Variants in LRP2 observed in about 807,000 individuals in gnomAD.
LRP2 encodes low-density lipoprotein receptor-related protein 2.
LRP2 carries 172 observed loss-of-function variants against 531.0 expected under a neutral mutation model. That is an observed-to-expected ratio of 0.32 (90% CI 0.29 to 0.37). The LOEUF is 0.37. Ranked by LOEUF, LRP2 falls within the 10% of genes least tolerant of loss-of-function variation. LRP2 has a pLI of 1.00. For synonymous variants in LRP2, 1,992 were observed against 2,027.6 expected (o/e 0.98, Z 0.47); for missense variants, 5,167 against 5,868.3 (o/e 0.88, Z 3.90).
At position 169,282,961 on chromosome 2, in the gene LRP2, C is replaced by A; in HGVS notation, c.1083G>T (p.Lys361Asn). ...GGTGACGGCCAGGTCGGCTTTCACA[C>A]TTCTGGTCACAAATTCCCCATATCT... ...DCQIWGICDQKCESRPGRHLC... is the reference protein window; with the variant it reads ...DCQIWGICDQNCESRPGRHLC... The change falls in exon 10 of 79, where the codon AAG becomes AAT. Residue 361 changes from lysine to asparagine, a missense_variant. By Grantham distance (94) the Lys-to-Asn change is moderately conservative (BLOSUM62 0). Around this residue, in one of 6 missense-constraint regions of LRP2, gnomAD observed 2,811 missense variants for 3,058.0 expected, o/e 0.92. Coordinates refer to ENST00000649046, the MANE Select transcript of LRP2 (RefSeq NM_004525.3). 1 of 1,614,150 alleles carries A rather than the reference C, an allele frequency of 6.2e-7. No individual in the cohort carries two copies. Among genetic ancestry groups the A allele is most frequent in the African/African-American group, 1.3e-5 (1 of 75,042 alleles).
chr2:169,239,780 A>G lies in LRP2; in HGVS notation c.4046-5T>C. 1 of 1,612,770 alleles carries G rather than the reference A, an allele frequency of 6.2e-7. No homozygotes were observed. Among genetic ancestry groups the G allele is most frequent in the Non-Finnish European group, 8.5e-7 (1 of 1,178,788 alleles). On this transcript the variant is annotated splice_region_variant and splice_polypyrimidine_tract_variant and intron_variant, in intron 25 of 78. Coordinates refer to ENST00000649046, the MANE Select transcript of LRP2 (RefSeq NM_004525.3). Reference sequence around the variant, plus strand: ...AATCTGAGCAGCTGTTCCCATCTAGAAAAAAGAAAGAGAATAATGAAAAAA... The same window carrying G: ...AATCTGAGCAGCTGTTCCCATCTAGGAAAAAGAAAGAGAATAATGAAAAAA...
At chr2:169,213,987 C>A in intron 35 of LRP2, 117 bp from the exon 36 acceptor site, 1 of 741,980 alleles carries the variant, frequency 1.3e-6, no homozygotes, top group South Asian at 1.6e-5. Context: ...CTATCCCTTA[C>A]AGAGATTTTT....
intron 9 of LRP2, among the ~76,000 whole-genome samples, chr2:169,284,681 C>T (rs777415720): frequency 9.9e-5 from 15 of 152,230 alleles, no homozygotes; most frequent in Admixed American, 2.6e-4. Flanking sequence ...AAACCCAATC[C>T]GATCTGGACA....
rs573966330 is a variant in LRP2, at chr2:169,161,738, T to C, written c.11887+734A>G. The stretch of plus-strand genomic sequence containing the variant: ...ATTTGTCTGCCTCGGCCTCCCAAAG[T>C]GTTGGGATTACAGGCATGAGCCACT... On this transcript the variant is annotated intron_variant, in intron 63 of 78. Transcript: ENST00000649046. Among the ~76,000 whole-genome samples the C allele has an allele frequency of 1.8e-3, 279 of 152,274 alleles. 1 individual carries two copies. The highest frequency in any genetic ancestry group is 6.3e-3 in the African/African-American group (263 of 41,560).
intron 52 of LRP2, among the ~76,000 whole-genome samples, chr2:169,181,165 A>T (rs1687415747): frequency 6.6e-6 from 1 of 152,212 alleles, no homozygotes; most frequent in Admixed American, 6.5e-5. Flanking sequence ...TGAGCTGACT[A>T]CCATGGGGAG....
chr2:169,205,636 AC>A lies in LRP2; in HGVS notation c.7557del (p.Tyr2520ThrfsTer27). 6.2e-7 allele frequency: 1 copy of A among 1,613,810 alleles called. No individual in the cohort carries two copies. The highest frequency in any genetic ancestry group is 8.5e-7 in the Non-Finnish European group (1 of 1,179,888). ...GTATCCCAGTCAGCCCAGTACAGGT[AC>A]CTAGTCATACAAAAGGAGTCAATAA... ...PRAIVLDPCQ[G>X]YLYWADWDTH... On this transcript the variant is annotated frameshift_variant and splice_region_variant, in exon 41 of 79. Transcript: ENST00000649046. LOFTEE classifies it high-confidence loss of function.
At position 169,173,200 on chromosome 2, in the gene LRP2, T is replaced by C; in HGVS notation, c.11039A>G (p.Asn3680Ser). The C allele has an allele frequency of 2.5e-6, 4 of 1,614,096 alleles. No individual in the cohort carries two copies. Among genetic ancestry groups the C allele is most frequent in the Non-Finnish European group, 3.4e-6 (4 of 1,179,998 alleles). Residue 3680 changes from asparagine to serine, a missense_variant, in exon 57 of 79, where the codon AAC (asparagine) becomes AGC (serine). By Grantham distance (46) the Asn-to-Ser change is conservative. Around this residue, in one of 6 missense-constraint regions of LRP2, gnomAD observed 311 missense variants for 309.4 expected, o/e 1.01. Transcript: ENST00000649046. ...ECMSSAHLCD[N>S]FTEFSCKTNY... is the part of the protein sequence containing the mutation. Reference sequence around the variant, plus strand: ...TGTTTTGCAGCTGAATTCTGTGAAGTTGTCACAGAGATGGGCAGAGCTCAC... The same window carrying C: ...TGTTTTGCAGCTGAATTCTGTGAAGCTGTCACAGAGATGGGCAGAGCTCAC...
In LRP2 at chr2:169,251,756, A is replaced by C. The variant is rs1317700579; in HGVS notation, c.2771-4241T>G. 6.4e-5 allele frequency among the ~76,000 whole-genome samples: 6 copies of C among 93,874 alleles called. 2 individuals are homozygous for C. The highest frequency in any genetic ancestry group is 1.2e-4 in the Non-Finnish European group (6 of 50,444). 61.6% of individuals were successfully genotyped at this position (93,874 alleles called of 152,430 possible). On this transcript the variant is annotated intron_variant, in intron 19 of 78. Coordinates refer to ENST00000649046, the MANE Select transcript of LRP2 (RefSeq NM_004525.3). ...GATAGACCGCTAGCAAGACTAATAA[A>C]GAAAGAAGAGAGAAGAATCAAATAG...
intron 4 of LRP2, among the ~76,000 whole-genome samples, chr2:169,302,015 T>A (rs1178427468): frequency 6.6e-6 from 1 of 152,108 alleles, no homozygotes; most frequent in Middle Eastern, 3.2e-3. Context: ...ATATATTCAT[T>A]CCTATAGGCC....
chr2:169,358,914 A>G (rs1686070095), intron 1 of LRP2, among the ~76,000 whole-genome samples: 1 of 151,050 alleles, frequency 6.6e-6, no homozygotes, highest in African/African-American at 2.4e-5. Context: ...AAAAAAAAAA[A>G]AAGAAAAAAT....
At chr2:169,301,786 C>T (rs148922654) in intron 4 of LRP2, among the ~76,000 whole-genome samples, 506 of 152,128 alleles carry the variant, frequency 3.3e-3, no homozygotes, top group African/African-American at 0.011. Flanking sequence ...AAGGAATGCC[C>T]GGAATGGACA....
chr2:169,335,705 T>C (rs1574268881), intron 1 of LRP2, among the ~76,000 whole-genome samples: 1 of 152,010 alleles, frequency 6.6e-6, no homozygotes, highest in South Asian at 2.1e-4. Flanking sequence ...TTTAAAAGAA[T>C]TTCAAATTTT....
At chr2:169,156,919 T>A (rs1424974636) in intron 64 of LRP2, among the ~76,000 whole-genome samples, 1 of 152,222 alleles carries the variant, frequency 6.6e-6, no homozygotes, top group South Asian at 2.1e-4. Context: ...CCTAAAATCA[T>A]GCTCATCACT....
intron 4 of LRP2, among the ~76,000 whole-genome samples, chr2:169,299,469 T>G (rs1202591091): frequency 6.6e-6 from 1 of 151,810 alleles, no homozygotes; most frequent in Non-Finnish European, 1.5e-5. Context: ...CAGCACTGCC[T>G]TCTTCCCATA....
chr2:169,325,913 G>A (rs1414559123), intron 1 of LRP2, among the ~76,000 whole-genome samples: 2 of 151,802 alleles, frequency 1.3e-5, no homozygotes, highest in Non-Finnish European at 2.9e-5. Context: ...GACATTTCAA[G>A]AAGTCAAAGA....
At chr2:169,341,801 C>G (rs1432608281) in intron 1 of LRP2, among the ~76,000 whole-genome samples, 1 of 152,158 alleles carries the variant, frequency 6.6e-6, no homozygotes, top group Admixed American at 6.5e-5. Context: ...GTCACAAGAA[C>G]AAATGCTATA....
rs184276059 is a variant in LRP2, at chr2:169,327,990, T to G, written c.80-7106A>C. Among the ~76,000 whole-genome samples, 482 of 59,190 alleles carry G rather than the reference T, an allele frequency of 8.1e-3. 12 individuals carry two copies. Among genetic ancestry groups the G allele is most frequent in the African/African-American group, 0.028 (452 of 16,300 alleles). The allele number at this position is 59,190 out of a possible 152,430, so 38.8% of individuals were successfully genotyped here. A position where few individuals can be genotyped will look rare whatever the true frequency, so the allele number is the denominator to read the frequency against. The stretch of plus-strand genomic sequence containing the variant: ...CCGTCCGGGAGGGAGGTGGGGGGGT[T>G]AGCCCCACGTCCGGGAGGGAGGTGG... On this transcript the variant is annotated intron_variant, in intron 1 of 78. Transcript: ENST00000649046.
At chr2:169,271,469 A>G (rs930362538) in intron 15 of LRP2, among the ~76,000 whole-genome samples, 1 of 152,102 alleles carries the variant, frequency 6.6e-6, no homozygotes. Flanking sequence ...CATATGTAAC[A>G]AACCTGCACA....
intron 1 of LRP2, among the ~76,000 whole-genome samples, chr2:169,325,009 A>T (rs181081669): frequency 4.6e-5 from 7 of 152,220 alleles, no homozygotes; most frequent in African/African-American, 1.7e-4. Flanking sequence ...TAGAAAGAAA[A>T]ATGGAATCTG....
Sources: gnomAD v4.1 joint callset for allele counts (sites outside exome capture counted in the v4.1 genomes callset) on GRCh38, gnomAD v4.1.1 for gene constraint, gnomAD v4.1.1 regional missense constraint, MANE v1.5 for transcripts, NCBI Gene and HGNC (gene_info 2026-07-23, HGNC 2026-07-21) for gene names.